The following CELF2 variants were observed in gnomAD, a reference collection of about 807,000 sequenced individuals.
CELF2 encodes CUG triplet repeat RNA-binding protein 2.
A neutral mutation model predicts 62.6 loss-of-function variants in CELF2; 8 were observed. The observed-to-expected ratio is 0.13, with a 90% confidence interval of 0.07 to 0.23. CELF2 has a LOEUF of 0.23. CELF2 is among the 10% of genes least tolerant of loss of function. CELF2 has a pLI of 1.00. For missense variants in CELF2, 333 were observed against 671.0 expected (o/e 0.50, Z 5.56); for synonymous variants, 258 against 250.0 (o/e 1.03, Z -0.30).
chr10:10,499,708 T>C, the CELF2 span, among the ~76,000 whole-genome samples: 2 of 152,118 alleles, frequency 1.3e-5, no homozygotes, highest in Admixed American at 1.3e-4. Flanking sequence ...TGAAATCCTA[T>C]CTCCACTAAG....
the CELF2 span, among the ~76,000 whole-genome samples, chr10:10,580,077 G>T: frequency 6.6e-6 from 1 of 152,068 alleles, no homozygotes; most frequent in Non-Finnish European, 1.5e-5. Context: ...ATGATGCAAG[G>T]AAAATGTATT....
the CELF2 span, among the ~76,000 whole-genome samples, chr10:10,575,413 G>T: frequency 6.6e-6 from 1 of 152,172 alleles, no homozygotes; most frequent in Non-Finnish European, 1.5e-5. Flanking sequence ...CTTGCTCTAT[G>T]TTGGACATTT....
the CELF2 span, among the ~76,000 whole-genome samples, chr10:10,693,405 G>A: frequency 4.5e-4 from 66 of 147,792 alleles, 1 homozygote; most frequent in Admixed American, 4.3e-3. Context: ...TGCTGGATTC[G>A]TTTTGCCAGT....
chr10:10,799,011 T>C (rs914634705), intron 1 of CELF2, among the ~76,000 whole-genome samples: 1 of 152,070 alleles, frequency 6.6e-6, no homozygotes, highest in Admixed American at 6.5e-5. Flanking sequence ...CGTGAGGTCC[T>C]CCAATTTCAC....
At chr10:10,794,241 G>A (rs1421501779), upstream of CELF2, among the ~76,000 whole-genome samples, 5 of 152,142 alleles carry the variant, frequency 3.3e-5, no homozygotes, top group African/African-American at 4.8e-5. Context: ...TAACAAGATC[G>A]GGAAATCTTC....
intron 1 of CELF2, among the ~76,000 whole-genome samples, chr10:11,111,579 T>A (rs1442900375): frequency 6.6e-6 from 1 of 152,200 alleles, no homozygotes; most frequent in Non-Finnish European, 1.5e-5. Flanking sequence ...GTAACTGTTG[T>A]TGCTTATGGA....
chr10:11,266,739 A>G (rs771960637), intron 6 of CELF2, 62 bp downstream of exon 6: 132 of 1,340,220 alleles, frequency 9.8e-5, no homozygotes, highest in Non-Finnish European at 1.3e-4. Context: ...TGGTAAAGCA[A>G]TTCTCTCCTG....
chr10:11,336,537 A>T lies in CELF2; in HGVS notation c.*7484A>T, dbSNP rs1214411031. On this transcript the variant is annotated 3_prime_UTR_variant, in exon 13 of 13. Transcript: ENST00000633077. This position sits in a 1 kb window ranked among gnomAD's most constrained non-coding sequence, Gnocchi z 5.4. ...AAGGACTCTGTTGTGTGTAAAGTTA[A>T]TGTGATTATTTTTCAAAGCAGTGTT... 2.0e-5 allele frequency: 3 copies of T among 152,616 alleles called. No individual in the cohort carries two copies. Among genetic ancestry groups the T allele is most frequent in the Non-Finnish European group, 4.4e-5 (3 of 68,030 alleles). The allele number at this position is 152,616 out of a possible 1,614,324, so 9.5% of individuals were successfully genotyped here.
rs182138883 is a variant in CELF2 at position 11,314,360 on chromosome 10, C to T, written c.1096+102C>T. 93 of 1,495,572 alleles carry T rather than the reference C, an allele frequency of 6.2e-5. No individual in the cohort carries two copies. The highest frequency in any genetic ancestry group is 2.0e-4 in the Admixed American group (12 of 59,196). The allele number at this position is 1,495,572 out of a possible 1,614,324, so 92.6% of individuals were successfully genotyped here. A position where few individuals can be genotyped will look rare whatever the true frequency, so the allele number is the denominator to read the frequency against. ...AAATGACCCGAAAAAGGATATGCCA[C>T]GGGGAGAACTAAAACTTGGGATGGA... On this transcript the variant is annotated intron_variant, in intron 10 of 12. Transcript: ENST00000633077. The surrounding 1 kb of genome is among the most constrained non-coding windows in gnomAD (Gnocchi z 5.3).
At position 11,155,320 on chromosome 10, in the gene CELF2, G is replaced by A. The variant is rs183381973; in HGVS notation, c.75-10166G>A. Among the ~76,000 whole-genome samples, 376 of 152,266 alleles carry A rather than the reference G, an allele frequency of 2.5e-3. 5 individuals are homozygous for A. Among genetic ancestry groups the A allele is most frequent in the African/African-American group, 8.3e-3 (346 of 41,548 alleles). On this transcript the variant is annotated intron_variant, in intron 1 of 12. Transcript: ENST00000633077. ...GGGAACACATCTGAGCCCCTGCTGC[G>A]AGTGGGCTTTTCACCACGAGGCTGC...
chr10:10,659,311 G>A, the CELF2 span, among the ~76,000 whole-genome samples: 3 of 152,126 alleles, frequency 2.0e-5, no homozygotes, highest in Admixed American at 2.0e-4. Flanking sequence ...TCAGTGAATT[G>A]TTTGCTCTTT....
At chr10:10,939,004 T>C (rs1051185476) in intron 2 of CELF2, among the ~76,000 whole-genome samples, 2 of 152,216 alleles carry the variant, frequency 1.3e-5, no homozygotes, top group African/African-American at 4.8e-5. Context: ...CACAAGCTTC[T>C]TGGGGAGGGA....
the CELF2 span, among the ~76,000 whole-genome samples, chr10:10,694,398 C>A: frequency 8.6e-5 from 13 of 151,276 alleles, no homozygotes; most frequent in Admixed American, 4.6e-4. Context: ...AATTTCTGTT[C>A]TTTTACATTT....
At chr10:11,030,813 T>C (rs947261609) in intron 1 of CELF2, 3 of 152,260 alleles carry the variant, frequency 2.0e-5, no homozygotes, top group Non-Finnish European at 4.4e-5. Flanking sequence ...TTTTCTTGAT[T>C]GTATTTCATA....
At chr10:10,568,071 A>G in the CELF2 span, among the ~76,000 whole-genome samples, 1 of 152,186 alleles carries the variant, frequency 6.6e-6, no homozygotes, top group Non-Finnish European at 1.5e-5. Context: ...TGTAAGTACT[A>G]TAAAGCAAAG....
chr10:10,630,902 C>A, the CELF2 span, among the ~76,000 whole-genome samples: 1 of 152,186 alleles, frequency 6.6e-6, no homozygotes, highest in Non-Finnish European at 1.5e-5. Flanking sequence ...ATTCCCCATG[C>A]ACATTAAGGA....
intron 8 of CELF2, among the ~76,000 whole-genome samples, chr10:11,282,843 G>T (rs539779897): frequency 2.6e-5 from 4 of 152,368 alleles, no homozygotes; most frequent in African/African-American, 9.6e-5. Flanking sequence ...GGGAGGTGGT[G>T]GTGATTGCTG....
In CELF2 at chr10:11,224,656, C is replaced by A. The variant is rs1205332859; in HGVS notation, c.354+7149C>A. The stretch of plus-strand genomic sequence containing the variant: ...AAAATTGTCCAAATTCTGTCATTAG[C>A]GTATAGGGTTTCCATGAGAACTCAT... On this transcript the variant is annotated intron_variant, in intron 3 of 12. Coordinates refer to ENST00000633077, the MANE Select transcript of CELF2 (RefSeq NM_001326342.2). This position sits in a 1 kb window ranked among gnomAD's most constrained non-coding sequence, Gnocchi z 4.5. Among the ~76,000 whole-genome samples the A allele has an allele frequency of 6.6e-6, 1 of 152,162 alleles. No individual in the cohort carries two copies. The highest frequency in any genetic ancestry group is 1.9e-4 in the East Asian group (1 of 5,174).
chr10:10,662,337 C>T, the CELF2 span, among the ~76,000 whole-genome samples: 1 of 152,120 alleles, frequency 6.6e-6, no homozygotes, highest in South Asian at 2.1e-4. Context: ...AGATATTTGC[C>T]CAGGCTTAAG....
Sources: allele counts gnomAD v4.1 joint callset (sites outside exome capture counted in the v4.1 genomes callset), GRCh38; gene constraint gnomAD v4.1.1; non-coding constraint Gnocchi (gnomAD v3.1); transcripts MANE v1.5; gene names NCBI Gene and HGNC (gene_info 2026-07-23, HGNC 2026-07-21).